The following CCSER1 variants were observed in gnomAD, a reference collection of about 807,000 sequenced individuals.
CCSER1 encodes serine-rich coiled-coil domain-containing protein 1.
CCSER1 carries 41 observed loss-of-function variants against 82.0 expected under a neutral mutation model. The observed-to-expected ratio is 0.50, with a 90% CI of 0.39 to 0.65. CCSER1 has a LOEUF of 0.65. Ranked by LOEUF, CCSER1 falls within the 30% of genes least tolerant of loss-of-function variation. The pLI is 0.00. For synonymous variants in CCSER1, 414 were observed against 383.9 expected (o/e 1.08, Z -0.92); for missense variants, 1,119 against 1,064.2 (o/e 1.05, Z -0.72).
intron 10 of CCSER1, among the ~76,000 whole-genome samples, chr4:91,352,066 A>G (rs1748506889): frequency 6.6e-6 from 1 of 152,216 alleles, no homozygotes; most frequent in African/African-American, 2.4e-5. Flanking sequence ...TGCAAGTGAT[A>G]AAATAAAAAG....
chr4:90,589,233 A>T, intron 5 of CCSER1, among the ~76,000 whole-genome samples: 1 of 152,094 alleles, frequency 6.6e-6, no homozygotes, highest in East Asian at 1.9e-4. Flanking sequence ...AGTCTGAAGG[A>T]TTTTTTTGGG....
chr4:91,208,605 TAC>T (rs1736541728), intron 10 of CCSER1, among the ~76,000 whole-genome samples: 1 of 152,108 alleles, frequency 6.6e-6, no homozygotes, highest in Admixed American at 6.6e-5. Context: ...TTTGTACTAG[TAC>T]CATGCTGTTT....
At chr4:90,299,830 G>C (rs17016715) in intron 1 of CCSER1, among the ~76,000 whole-genome samples, 11,877 of 151,992 alleles carry the variant, frequency 0.078, 726 homozygotes, top group East Asian at 0.3. Context: ...GATATAATTA[G>C]GTAAGACTGG....
intron 1 of CCSER1, among the ~76,000 whole-genome samples, chr4:90,276,288 TTCCTTCCTTCCTTCCTTC>T (rs1260752172): frequency 4.5e-5 from 6 of 134,396 alleles, no homozygotes; most frequent in Non-Finnish European, 6.2e-5. Context: ...CCTTCCTTCC[TTCCTTCCTTCCTTCCTTC>T]CTTTCTTTCT....
chr4:90,932,138 C>A (rs2150289448), intron 9 of CCSER1, among the ~76,000 whole-genome samples: 1 of 152,164 alleles, frequency 6.6e-6, no homozygotes, highest in Admixed American at 6.5e-5. Context: ...ACTCTTTTTT[C>A]ATGCCACATT....
intron 6 of CCSER1, among the ~76,000 whole-genome samples, chr4:90,685,053 A>G (rs1391714769): frequency 6.6e-6 from 1 of 152,174 alleles, no homozygotes; most frequent in East Asian, 1.9e-4. Context: ...AATTCCACTC[A>G]CTAATAATCT....
At chr4:91,137,560 A>G (rs1333444737) in intron 10 of CCSER1, among the ~76,000 whole-genome samples, 1 of 122,614 alleles carries the variant, frequency 8.2e-6, no homozygotes, top group East Asian at 2.4e-4. Context: ...TGGTATTTCT[A>G]GTTCTAGATC....
chr4:90,726,609 T>C (rs1416891453), intron 7 of CCSER1, among the ~76,000 whole-genome samples: 1 of 152,084 alleles, frequency 6.6e-6, no homozygotes, highest in Non-Finnish European at 1.5e-5. Flanking sequence ...TTTCAATTAA[T>C]TAAAAACGAT....
chr4:91,492,534 G>A (rs1467292624), intron 10 of CCSER1, among the ~76,000 whole-genome samples: 1 of 152,068 alleles, frequency 6.6e-6, no homozygotes, highest in Non-Finnish European at 1.5e-5. Flanking sequence ...AAGTCCAACT[G>A]TCAGAGACCT....
chr4:91,208,264 A>G (rs1736509642), intron 10 of CCSER1, among the ~76,000 whole-genome samples: 1 of 151,768 alleles, frequency 6.6e-6, no homozygotes, highest in Non-Finnish European at 1.5e-5. Context: ...GCTTTTGTTG[A>G]CGATTGCTTT....
At chr4:90,389,996 A>C (rs969591738) in intron 3 of CCSER1, among the ~76,000 whole-genome samples, 11 of 152,186 alleles carry the variant, frequency 7.2e-5, no homozygotes, top group Non-Finnish European at 1.3e-4. Flanking sequence ...TATTGTAAAG[A>C]AAATCTGTCA....
At chr4:91,148,658 C>G (rs897279523) in intron 10 of CCSER1, among the ~76,000 whole-genome samples, 2 of 152,120 alleles carry the variant, frequency 1.3e-5, no homozygotes, top group Non-Finnish European at 2.9e-5. Context: ...TGACAGGCCC[C>G]GGTGTGTGAT....
chr4:91,438,195 C>A (rs1452127991), intron 10 of CCSER1, among the ~76,000 whole-genome samples: 5 of 152,210 alleles, frequency 3.3e-5, no homozygotes, highest in African/African-American at 7.2e-5. Flanking sequence ...GGGTCCCTGA[C>A]CCCTGACCCC....
intron 10 of CCSER1, among the ~76,000 whole-genome samples, chr4:91,475,281 A>G (rs537806843): frequency 2.0e-5 from 3 of 152,030 alleles, no homozygotes; most frequent in African/African-American, 7.2e-5. Context: ...TCTTTTGTAA[A>G]ATAGATACAG....
intron 6 of CCSER1, among the ~76,000 whole-genome samples, chr4:90,658,103 C>T (rs1730055094): frequency 6.6e-6 from 1 of 151,928 alleles, no homozygotes; most frequent in South Asian, 2.1e-4. Flanking sequence ...GACTCTGTCT[C>T]GAAAATAAAA....
At chr4:90,234,438 G>C (rs1481678517) in intron 1 of CCSER1, among the ~76,000 whole-genome samples, 1 of 152,038 alleles carries the variant, frequency 6.6e-6, no homozygotes, top group Non-Finnish European at 1.5e-5. Context: ...GCTGGTCTTG[G>C]CCTCCTGACC....
In CCSER1 at chr4:90,204,267, ATGCCTGTGTCCTGAATGGTAT is replaced by A. The variant is rs749790763; in HGVS notation, c.-42+76442_-42+76462del. Among the ~76,000 whole-genome samples, 246 of 152,292 alleles carry A rather than the reference ATGCCTGTGTCCTGAATGGTAT, an allele frequency of 1.6e-3. 4 individuals are homozygous for A. The highest frequency in any genetic ancestry group is 4.9e-4 in the Non-Finnish European group (33 of 68,036). ...TGTTTCAGTCATGAAGTCTTTGCCC[ATGCCTGTGTCCTGAATGGTAT>A]TGCCTAGGTTATCTTCTAGAGTTTT... On this transcript the variant is annotated intron_variant, in intron 1 of 10. Coordinates refer to ENST00000509176, the MANE Select transcript of CCSER1 (RefSeq NM_001145065.2).
intron 10 of CCSER1, among the ~76,000 whole-genome samples, chr4:91,486,814 C>T (rs1226138361): frequency 6.6e-6 from 1 of 151,942 alleles, no homozygotes; most frequent in Non-Finnish European, 1.5e-5. Context: ...ACCAGTTGCC[C>T]TGGGATCCCA....
chr4:91,225,343 AAT>A (rs1174320053), intron 10 of CCSER1, among the ~76,000 whole-genome samples: 5 of 128,702 alleles, frequency 3.9e-5, no homozygotes, highest in Non-Finnish European at 7.8e-5. Flanking sequence ...TTATATATGT[AAT>A]ATATATGTAT....
Sources: gnomAD v4.1 joint callset for allele counts (sites outside exome capture counted in the v4.1 genomes callset) on GRCh38, gnomAD v4.1.1 for gene constraint, MANE v1.5 for transcripts, NCBI Gene and HGNC (gene_info 2026-07-23, HGNC 2026-07-21) for gene names.